The following DRC8 variants were observed in gnomAD, a reference collection of about 807,000 sequenced individuals.
The protein encoded by DRC8 is dynein regulatory complex protein 8.
chr1:245,051,580 C>CG, the DRC8 span, among the ~76,000 whole-genome samples: 1 of 152,056 alleles, frequency 6.6e-6, no homozygotes, highest in East Asian at 1.9e-4. Context: ...GATTCTGCAG[C>CG]GCGGTGAGGC....
At chr1:245,119,909 G>A in the DRC8 span, among the ~76,000 whole-genome samples, 1,667 of 151,888 alleles carry the variant, frequency 0.011, 90 homozygotes, top group East Asian at 0.14. Context: ...CTCCAGCCTG[G>A]GCAACAGAGC....
the DRC8 span, among the ~76,000 whole-genome samples, chr1:245,104,919 C>T: frequency 7.2e-5 from 11 of 152,142 alleles, no homozygotes; most frequent in Non-Finnish European, 1.3e-4. Context: ...TTGGTTGATG[C>T]GTATCTAAAT....
chr1:244,982,279 G>T, the DRC8 span, among the ~76,000 whole-genome samples: 3 of 152,208 alleles, frequency 2.0e-5, no homozygotes, highest in African/African-American at 7.2e-5. Flanking sequence ...AAAACAGCCC[G>T]AAGAGACAAA....
the DRC8 span, among the ~76,000 whole-genome samples, chr1:245,050,069 A>G: frequency 6.6e-6 from 1 of 152,154 alleles, no homozygotes; most frequent in Non-Finnish European, 1.5e-5. Flanking sequence ...AGGCCATCAC[A>G]TCCATGCAGA....
chr1:245,093,677 C>T, the DRC8 span, among the ~76,000 whole-genome samples: 1 of 133,654 alleles, frequency 7.5e-6, no homozygotes, highest in Non-Finnish European at 1.5e-5. Flanking sequence ...GCCTGGGCGA[C>T]AGAGCAAGAC....
the DRC8 span, among the ~76,000 whole-genome samples, chr1:245,038,341 G>A: frequency 6.6e-6 from 1 of 152,106 alleles, no homozygotes; most frequent in African/African-American, 2.4e-5. Context: ...ATGGTGGCAG[G>A]CGCCTGTAGT....
the DRC8 span, among the ~76,000 whole-genome samples, chr1:245,044,549 G>GGATT: frequency 4.7e-4 from 64 of 136,316 alleles, no homozygotes; most frequent in East Asian, 0.012. Context: ...CGCCCAGGCT[G>GGATT]GATTTATTTA....
the DRC8 span, among the ~76,000 whole-genome samples, chr1:245,081,661 G>T: frequency 6.6e-6 from 1 of 151,948 alleles, no homozygotes; most frequent in Non-Finnish European, 1.5e-5. Context: ...TAGAGACGGG[G>T]TTTCACCATG....
the DRC8 span, among the ~76,000 whole-genome samples, chr1:244,985,206 C>T: frequency 6.6e-6 from 1 of 151,878 alleles, no homozygotes; most frequent in Admixed American, 6.6e-5. Context: ...CTAGCCTGCG[C>T]ACATATTGTT....
At chr1:244,982,940 G>A in the DRC8 span, among the ~76,000 whole-genome samples, 1 of 151,958 alleles carries the variant, frequency 6.6e-6, no homozygotes, top group African/African-American at 2.4e-5. Context: ...TGTGGTGGTG[G>A]GTGCCTGTAA....
the DRC8 span, among the ~76,000 whole-genome samples, chr1:245,104,877 A>G: frequency 6.6e-6 from 1 of 152,216 alleles, no homozygotes; most frequent in Non-Finnish European, 1.5e-5. Context: ...GTTTATTCCA[A>G]TCAGGATCCA....
the DRC8 span, among the ~76,000 whole-genome samples, chr1:244,999,170 T>C: frequency 6.6e-6 from 1 of 150,900 alleles, no homozygotes; most frequent in Non-Finnish European, 1.5e-5. Context: ...TTGACAAATG[T>C]CTACTTTAGC....
the DRC8 span, among the ~76,000 whole-genome samples, chr1:245,104,388 C>T: frequency 2.6e-5 from 4 of 151,964 alleles, no homozygotes; most frequent in Non-Finnish European, 4.4e-5. Flanking sequence ...CCTGTAATCC[C>T]AGCTACTCGG....
At chr1:245,120,507 A>G in the DRC8 span, among the ~76,000 whole-genome samples, 2 of 152,228 alleles carry the variant, frequency 1.3e-5, no homozygotes, top group Non-Finnish European at 1.5e-5. Context: ...CCTGACAAAA[A>G]TGCTGTTCAG....
the DRC8 span, among the ~76,000 whole-genome samples, chr1:245,038,499 T>A: frequency 6.6e-6 from 1 of 152,142 alleles, no homozygotes; most frequent in African/African-American, 2.4e-5. Context: ...TGAGTTTAGC[T>A]TTGTTTGATA....
At chr1:245,075,547 C>T in the DRC8 span, 1 of 152,212 alleles carries the variant, frequency 6.6e-6, no homozygotes, top group African/African-American at 2.4e-5. Flanking sequence ...TTCTTCAGGT[C>T]ACCTACTCCA....
At chr1:245,062,658 CT>C in the DRC8 span, among the ~76,000 whole-genome samples, 1 of 152,188 alleles carries the variant, frequency 6.6e-6, no homozygotes, top group Non-Finnish European at 1.5e-5. Flanking sequence ...TTGACTCAGG[CT>C]TAGGCACTAA....
the DRC8 span, among the ~76,000 whole-genome samples, chr1:245,047,916 A>T: frequency 1.3e-5 from 2 of 148,912 alleles, no homozygotes; most frequent in Non-Finnish European, 1.5e-5. Context: ...CGGAGGTTGC[A>T]GTGAGCTGAG....
At chr1:245,119,925 C>T in the DRC8 span, among the ~76,000 whole-genome samples, 3 of 147,404 alleles carry the variant, frequency 2.0e-5, no homozygotes, top group Non-Finnish European at 4.5e-5. Context: ...AGAGCGAGAC[C>T]CCGTCTCAAA....
Sources: gnomAD v4.1 joint callset for allele counts (sites outside exome capture counted in the v4.1 genomes callset) on GRCh38, gnomAD v4.1.1 for gene constraint, MANE v1.5 for transcripts, NCBI Gene and HGNC (gene_info 2026-07-23, HGNC 2026-07-21) for gene names.